Variants in SH3RF3 observed in about 807,000 individuals in gnomAD.
SH3RF3 encodes the protein SH3 domain containing ring finger 3, also known as E3 ubiquitin-protein ligase SH3RF3.
In SH3RF3, 29 loss-of-function variants were observed where a neutral mutation model predicts 66.3. The ratio of observed to expected loss-of-function variants is 0.44; its 90% CI spans 0.33 to 0.60. SH3RF3 has a LOEUF of 0.60. SH3RF3 is among the 20% of genes least tolerant of loss of function. The pLI is 0.04. For missense variants in SH3RF3, 1,194 were observed against 1,190.9 expected (o/e 1.00, Z -0.04); for synonymous variants, 583 against 532.0 (o/e 1.10, Z -1.32).
intron 1 of SH3RF3, among the ~76,000 whole-genome samples, chr2:109,170,636 C>T (rs1389684082): frequency 1.3e-5 from 2 of 152,172 alleles, no homozygotes; most frequent in African/African-American, 4.8e-5. Flanking sequence ...AGGTGCGAGC[C>T]ACTGTGCCTG....
At chr2:109,430,618 C>T (rs1046188810) in intron 5 of SH3RF3, among the ~76,000 whole-genome samples, 1 of 152,176 alleles carries the variant, frequency 6.6e-6, no homozygotes, top group Non-Finnish European at 1.5e-5. Flanking sequence ...TACACAGGTA[C>T]GTGTTGGCTG....
chr2:109,370,792 C>T (rs986982625), intron 2 of SH3RF3, among the ~76,000 whole-genome samples: 8 of 152,172 alleles, frequency 5.3e-5, no homozygotes, highest in African/African-American at 1.9e-4. Flanking sequence ...CTTTCTCCTT[C>T]CATCTGTTTC....
intron 8 of SH3RF3, among the ~76,000 whole-genome samples, chr2:109,453,186 G>C (rs1367024554): frequency 6.6e-6 from 1 of 152,124 alleles, no homozygotes; most frequent in Non-Finnish European, 1.5e-5. Flanking sequence ...TCTGGGCCCA[G>C]GCATCTGCCA....
rs556661748 is a variant in SH3RF3 at position 109,186,992 on chromosome 2, C to T, written c.573+56879C>T. On this transcript the variant is annotated intron_variant, in intron 1 of 9. Transcript: ENST00000309415. ...CAACCTGTGCCCCTAGAAGTTTGCT[C>T]GTCTCCCAGAGGCGGAGCTGGGCCT... Among the ~76,000 whole-genome samples, 84 of 152,228 alleles carry T rather than the reference C, an allele frequency of 5.5e-4. 1 individual carries two copies. Among genetic ancestry groups the T allele is most frequent in the African/African-American group, 1.9e-3 (77 of 41,566 alleles).
chr2:109,244,755 C>T (rs928810134), intron 1 of SH3RF3, among the ~76,000 whole-genome samples: 10 of 152,202 alleles, frequency 6.6e-5, no homozygotes, highest in South Asian at 2.1e-4. Flanking sequence ...CCTCAATGCC[C>T]GGGCCCTTGA....
chr2:109,130,044 C>T lies in SH3RF3; in HGVS notation c.504C>T (p.Ser168=). The T allele has an allele frequency of 7.4e-7, 1 of 1,358,686 alleles. No individual in the cohort carries two copies. The highest frequency in any genetic ancestry group is 3.1e-5 in the East Asian group (1 of 32,450). 84.2% of individuals were successfully genotyped at this position (1,358,686 alleles called of 1,614,324 possible). Residue 168 remains serine (S), a synonymous_variant, in exon 1 of 10, where the codon TCC becomes TCT. Coordinates refer to ENST00000309415, the MANE Select transcript of SH3RF3 (RefSeq NM_001099289.3). ...GSTPGSPVFL[S]AAAGSTAGSL... The stretch of plus-strand genomic sequence containing the variant: ...CCCCGGGTTCCCCGGTTTTCCTCTC[C>T]GCGGCCGCGGGCAGCACCGCCGGCA...
chr2:109,501,621 C>T lies in SH3RF3; in HGVS notation c.2599C>T (p.Arg867Trp), dbSNP rs1331674183. 6.4e-6 allele frequency: 5 copies of T among 777,942 alleles called. No homozygotes were observed. The highest frequency in any genetic ancestry group is 1.7e-5 in the Admixed American group (1 of 58,644). The allele number at this position is 777,942 out of a possible 1,614,324, so 48.2% of individuals were successfully genotyped here. A position where few individuals can be genotyped will look rare whatever the true frequency, so the allele number is the denominator to read the frequency against. ...EDGWYKGTLQ[R>W]NGRTGLFPGS... The stretch of plus-strand genomic sequence containing the variant: ...CGGCTGGTACAAGGGGACCCTGCAG[C>T]GGAACGGCCGCACAGGCCTCTTCCC... The change falls in exon 10 of 10, where the codon CGG (arginine) becomes TGG (tryptophan). Residue 867 changes from arginine (R) to tryptophan (W), a missense_variant. Transcript: ENST00000309415.
intron 1 of SH3RF3, among the ~76,000 whole-genome samples, chr2:109,289,847 G>A (rs1681120721): frequency 6.6e-6 from 1 of 152,136 alleles, no homozygotes; most frequent in African/African-American, 2.4e-5. Flanking sequence ...TCAGATCTTG[G>A]TTTCCTCATA....
At chr2:109,290,099 G>T (rs13401790) in intron 1 of SH3RF3, among the ~76,000 whole-genome samples, 1,618 of 152,314 alleles carry the variant, frequency 0.011, 38 homozygotes, top group African/African-American at 0.037. Flanking sequence ...AATGCTGCTG[G>T]TCCGTGGACC....
At chr2:109,213,172 G>A (rs149694375) in intron 1 of SH3RF3, among the ~76,000 whole-genome samples, 56 of 152,324 alleles carry the variant, frequency 3.7e-4, no homozygotes, top group African/African-American at 1.2e-3. Flanking sequence ...CCACATGGGC[G>A]CGGTTGCTTA....
intron 1 of SH3RF3, among the ~76,000 whole-genome samples, chr2:109,193,962 T>C (rs534003923): frequency 6.6e-6 from 1 of 152,334 alleles, no homozygotes; most frequent in Non-Finnish European, 1.5e-5. Flanking sequence ...CCAGCTGCCA[T>C]GCTCCTTCTG....
At chr2:109,422,616 TG>T (rs66987393) in intron 5 of SH3RF3, among the ~76,000 whole-genome samples, 125,020 of 152,092 alleles carry the variant, frequency 0.82, 51,909 homozygotes, top group Admixed American at 0.89. Flanking sequence ...TGTGTTGGGC[TG>T]GGGCTTGTCC....
At chr2:109,241,852 G>A (rs774648137) in intron 1 of SH3RF3, among the ~76,000 whole-genome samples, 9 of 150,756 alleles carry the variant, frequency 6.0e-5, no homozygotes, top group East Asian at 3.9e-4. Flanking sequence ...TGCAAGCTCC[G>A]CCTCCCGGGT....
At chr2:109,363,063 TGATA>T (rs1683080877) in intron 2 of SH3RF3, among the ~76,000 whole-genome samples, 2 of 152,204 alleles carry the variant, frequency 1.3e-5, no homozygotes, top group African/African-American at 4.8e-5. Context: ...AAGTGATGTG[TGATA>T]GAGTCAGGTT....
chr2:109,225,917 C>T (rs1679365572), intron 1 of SH3RF3, among the ~76,000 whole-genome samples: 1 of 152,192 alleles, frequency 6.6e-6, no homozygotes, highest in South Asian at 2.1e-4. Flanking sequence ...AGTCGCTTTC[C>T]ACCATGCCAG....
intron 8 of SH3RF3, among the ~76,000 whole-genome samples, chr2:109,457,723 C>A (rs928553961): frequency 1.3e-5 from 2 of 152,244 alleles, no homozygotes; most frequent in African/African-American, 4.8e-5. Context: ...CTGATATATT[C>A]TCACAGTGCT....
chr2:109,472,626 C>T (rs746272655), intron 8 of SH3RF3, among the ~76,000 whole-genome samples: 1 of 152,178 alleles, frequency 6.6e-6, no homozygotes, highest in African/African-American at 2.4e-5. Context: ...AAACAAAATT[C>T]AGGAAGTGAG....
chr2:109,318,405 G>A (rs1482511407), intron 1 of SH3RF3, among the ~76,000 whole-genome samples: 4 of 152,220 alleles, frequency 2.6e-5, no homozygotes, highest in East Asian at 1.9e-4. Context: ...GCCGCCGAGC[G>A]CCAGAAGATT....
At chr2:109,269,967 G>A (rs2105315557) in intron 1 of SH3RF3, among the ~76,000 whole-genome samples, 1 of 152,318 alleles carries the variant, frequency 6.6e-6, no homozygotes, top group East Asian at 1.9e-4. Context: ...ATTCCTAGCT[G>A]TACAGAAATT....
Sources: allele counts gnomAD v4.1 joint callset (sites outside exome capture counted in the v4.1 genomes callset), GRCh38; gene constraint gnomAD v4.1.1; transcripts MANE v1.5; gene names NCBI Gene and HGNC (gene_info 2026-07-23, HGNC 2026-07-21).